CRBN: variants seen among roughly 807,000 people sequenced by gnomAD.
The protein encoded by CRBN is protein cereblon.
In CRBN, 53 loss-of-function variants were observed where a neutral mutation model predicts 62.2. The observed-to-expected ratio is 0.85, with a 90% CI of 0.68 to 1.07. CRBN has a LOEUF of 1.07. Among genes scored for constraint, CRBN ranks in the 50% least tolerant of loss-of-function variants. The pLI is 0.00. For missense variants in CRBN, 616 were observed against 531.1 expected, an observed-to-expected ratio of 1.16 and a Z score of -1.57; for synonymous variants, 208 against 176.1, an observed-to-expected ratio of 1.18 and a Z score of -1.43.
chr3:3,167,590 C>G (rs1272935216), intron 5 of CRBN, 44 bp downstream of exon 5: 16 of 1,577,822 alleles, frequency 1.0e-5, no homozygotes, highest in Non-Finnish European at 1.4e-5. Flanking sequence ...AAAAAAACAA[C>G]CTGTCTTCAT....
intron 2 of CRBN, among the ~76,000 whole-genome samples, chr3:3,174,796 G>T (rs1707763760): frequency 6.6e-6 from 1 of 152,170 alleles, no homozygotes; most frequent in South Asian, 2.1e-4. Flanking sequence ...AGAAATTCAA[G>T]AATTTTTTTA....
Position 3,150,703 on chromosome 3 carries a change from C to CAAAT in CRBN, c.*158_*161dup. 1 of 689,546 alleles carries CAAAT rather than the reference C, an allele frequency of 1.5e-6. No homozygotes were observed. Among genetic ancestry groups the CAAAT allele is most frequent in the Non-Finnish European group, 2.4e-6 (1 of 421,204 alleles). The allele number at this position is 689,546 out of a possible 1,614,324, so 42.7% of individuals were successfully genotyped here. ...TTTCCTAAAGTATACTTAAAAGTTT[C>CAAAT]AAATACAGTTTCACTTAGAAACTGC... On this transcript the variant is annotated 3_prime_UTR_variant, in exon 11 of 11. Coordinates refer to ENST00000231948, the MANE Select transcript of CRBN (RefSeq NM_016302.4).
Position 3,165,634 on chromosome 3 carries a change from G to C in CRBN, c.687+2000C>G, listed in dbSNP as rs187015375. On this transcript the variant is annotated intron_variant, in intron 5 of 10. Coordinates refer to ENST00000231948, the MANE Select transcript of CRBN (RefSeq NM_016302.4). ...TTAGATAGAATCTTATTGTACACAT[G>C]ATAGACTACAGTATTGTGTGAATAA... is the stretch of plus-strand genomic sequence containing the variant. 2.0e-5 allele frequency among the ~76,000 whole-genome samples: 3 copies of C among 152,132 alleles called. No homozygotes were observed. The East Asian group carries it at 5.8e-4, about 29-fold the overall frequency.
chr3:3,151,235 T>C (rs1706523937), intron 10 of CRBN, among the ~76,000 whole-genome samples, 190 bp from the exon 11 acceptor site: 1 of 152,212 alleles, frequency 6.6e-6, no homozygotes, highest in Non-Finnish European at 1.5e-5. Flanking sequence ...TTGTAATATG[T>C]ATGACTTTTA....
Position 3,175,250 on chromosome 3 carries a change from ATCT to A in CRBN, c.84_86del (p.Glu28del). On this transcript the variant is annotated inframe_deletion, in exon 2 of 11. Transcript: ENST00000231948. The stretch of plus-strand genomic sequence containing the variant: ...TATCCTGGTCTTCAACTTCCATTTC[ATCT>A]TCTTCCTCACTCTCTGCTATAAAAG... 6.2e-7 allele frequency: 1 copy of A among 1,611,256 alleles called. No homozygotes were observed. The highest frequency in any genetic ancestry group is 1.1e-5 in the South Asian group (1 of 90,986).
Sources: allele counts gnomAD v4.1 joint callset (sites outside exome capture counted in the v4.1 genomes callset), GRCh38; gene constraint gnomAD v4.1.1; transcripts MANE v1.5; gene names NCBI Gene and HGNC (gene_info 2026-07-23, HGNC 2026-07-21).